XKR6: variants seen among roughly 807,000 people sequenced by gnomAD.
XKR6 encodes the protein XK related 6, also known as XK-related protein 6.
XKR6 carries 22 observed loss-of-function variants against 56.7 expected under a neutral mutation model. The observed-to-expected ratio is 0.39, with a 90% CI of 0.28 to 0.55. The LOEUF (loss-of-function observed/expected upper bound fraction) is 0.55, where lower values mean the gene tolerates loss of function less well. Among genes scored for constraint, XKR6 ranks in the 20% least tolerant of loss-of-function variants. XKR6 has a pLI of 0.66. For missense variants in XKR6, 852 were observed against 889.0 expected (o/e 0.96, Z 0.53); for synonymous variants, 524 against 387.8 (o/e 1.35, Z -4.13).
chr8:11,188,114 G>C (rs1272952197), intron 1 of XKR6, among the ~76,000 whole-genome samples: 1 of 152,014 alleles, frequency 6.6e-6, no homozygotes, highest in Admixed American at 6.6e-5. Context: ...CATTACAGTA[G>C]GTATGAGCCC....
In XKR6 at chr8:10,977,603, C is replaced by G. The variant is rs772834347; in HGVS notation, c.765-52773G>C. On this transcript the variant is annotated intron_variant, in intron 1 of 2. Coordinates refer to ENST00000416569, the MANE Select transcript of XKR6 (RefSeq NM_173683.4). ...GCCAGGACAGCTGAGGCTGGGCACC[C>G]CGACTAATTGCTGTTGCTGTGACCG... 2.0e-5 allele frequency among the ~76,000 whole-genome samples: 3 copies of G among 149,544 alleles called. No homozygotes were observed. In the East Asian group the frequency reaches 5.9e-4, roughly 29 times the overall value.
Position 10,898,718 on chromosome 8 carries a change from C to T in XKR6, c.1160G>A (p.Gly387Glu). 1 of 1,614,000 alleles carries T rather than the reference C, an allele frequency of 6.2e-7. No homozygotes were observed. Among genetic ancestry groups the T allele is most frequent in the South Asian group, 1.1e-5 (1 of 91,058 alleles). The change falls in exon 3 of 3, where the codon GGG becomes GAG. Residue 387 changes from glycine to glutamate, a missense_variant. Gly to Glu is a moderately conservative substitution (Grantham distance 98). This residue lies in a region of XKR6 where 199 missense variants were observed against 280.4 expected (regional missense o/e 0.71). Coordinates refer to ENST00000416569, the MANE Select transcript of XKR6 (RefSeq NM_173683.4). This position sits in a 1 kb window ranked among gnomAD's most constrained non-coding sequence, Gnocchi z 6.6. Reference sequence around the variant, plus strand: ...GCACCAGTGAACCACCACGAAGATCCCAAAATAGAGCTGGAAGATGGAAGC... The same window carrying T: ...GCACCAGTGAACCACCACGAAGATCTCAAAATAGAGCTGGAAGATGGAAGC... The part of the protein sequence containing the change: ...LFASIFQLYF[G>E]IFVVVHWCAM...
In XKR6 at chr8:11,189,887, T is replaced by C. The variant is rs565616512; in HGVS notation, c.764+10689A>G. ...AAACAGCTGCTTTGGACGGGTGCAG[T>C]GGCTCACGCCTGTAATCCCAGCACT... On this transcript the variant is annotated intron_variant, in intron 1 of 2. Coordinates refer to ENST00000416569, the MANE Select transcript of XKR6 (RefSeq NM_173683.4). 6.6e-5 allele frequency among the ~76,000 whole-genome samples: 10 copies of C among 152,354 alleles called. No individual in the cohort carries two copies. In the South Asian group the frequency reaches 1.9e-3, roughly 28 times the overall value.
At chr8:11,086,668 T>C (rs747341721) in intron 1 of XKR6, among the ~76,000 whole-genome samples, 16 of 152,124 alleles carry the variant, frequency 1.1e-4, no homozygotes, top group Non-Finnish European at 1.6e-4. Context: ...AGCTACAAAG[T>C]AAACCCCCAG....
At chr8:11,052,353 CA>C (rs1799572046) in intron 1 of XKR6, among the ~76,000 whole-genome samples, 1 of 152,358 alleles carries the variant, frequency 6.6e-6, no homozygotes, top group South Asian at 2.1e-4. Flanking sequence ...TTTCCCAGAG[CA>C]CTTGTCATCT....
At position 11,198,905 on chromosome 8, in the gene XKR6, C is replaced by G. The variant is rs549049574; in HGVS notation, c.764+1671G>C. Among the ~76,000 whole-genome samples, 7 of 152,090 alleles carry G rather than the reference C, an allele frequency of 4.6e-5. No homozygotes were observed. In the South Asian group the frequency reaches 1.5e-3, roughly 32 times the overall value. On this transcript the variant is annotated intron_variant, in intron 1 of 2. Transcript: ENST00000416569. ...GGCATCTTAACAACCAGAAAACAAC[C>G]CCCAGCCCCCGCCCAAAAAAAAAAA... is the stretch of plus-strand genomic sequence containing the variant.
chr8:11,088,046 A>G (rs1469182226), intron 1 of XKR6, among the ~76,000 whole-genome samples: 2 of 152,214 alleles, frequency 1.3e-5, no homozygotes, highest in African/African-American at 4.8e-5. Flanking sequence ...ATGTAGTAGG[A>G]AGAAAGGGAT....
chr8:11,083,094 G>A (rs1350840867), intron 1 of XKR6, among the ~76,000 whole-genome samples: 3 of 152,128 alleles, frequency 2.0e-5, no homozygotes, highest in African/African-American at 7.2e-5. Flanking sequence ...CTCGGGGGCT[G>A]CTGCAGAACT....
intron 1 of XKR6, among the ~76,000 whole-genome samples, chr8:10,976,341 AC>A (rs1481325513): frequency 2.0e-5 from 3 of 151,974 alleles, no homozygotes; most frequent in African/African-American, 7.3e-5. Context: ...TGGGCATCTG[AC>A]CCCATGTCAT....
intron 1 of XKR6, among the ~76,000 whole-genome samples, chr8:11,098,388 C>G (rs149347007): frequency 6.6e-6 from 1 of 152,260 alleles, no homozygotes; most frequent in African/African-American, 2.4e-5. Flanking sequence ...ACCCAGTGGA[C>G]TCGGTGAACT....
At chr8:10,980,535 G>T (rs375696279) in intron 1 of XKR6, among the ~76,000 whole-genome samples, 46 of 152,298 alleles carry the variant, frequency 3.0e-4, no homozygotes, top group East Asian at 2.3e-3. Flanking sequence ...CACATTCCTA[G>T]CATGTTGTAT....
rs140342437 is a variant in XKR6 at position 10,896,726 on chromosome 8, GTA to G, written c.*1224_*1225del. On this transcript the variant is annotated 3_prime_UTR_variant, in exon 3 of 3. Coordinates refer to ENST00000416569, the MANE Select transcript of XKR6 (RefSeq NM_173683.4). ...TACAATTTTGACTTTTTATATATAT[GTA>G]TATATATATATATATTCTAGTTTTC... 73 of 146,690 alleles carry G rather than the reference GTA, an allele frequency of 5.0e-4. No homozygotes were observed. Among genetic ancestry groups the G allele is most frequent in the East Asian group, 9.9e-4 (5 of 5,056 alleles). 9.1% of individuals were successfully genotyped at this position (146,690 alleles called of 1,614,324 possible). A position where few individuals can be genotyped will look rare whatever the true frequency, so the allele number is the denominator to read the frequency against.
intron 1 of XKR6, among the ~76,000 whole-genome samples, chr8:11,135,343 T>G (rs542142506): frequency 6.6e-6 from 1 of 152,184 alleles, no homozygotes; most frequent in Non-Finnish European, 1.5e-5. Flanking sequence ...AGCCCTAAAT[T>G]TTTTAATTGA....
chr8:11,177,632 G>A (rs1265156610), intron 1 of XKR6, among the ~76,000 whole-genome samples: 1 of 152,212 alleles, frequency 6.6e-6, no homozygotes, highest in Non-Finnish European at 1.5e-5. Context: ...AGGAAAATTT[G>A]GACATACACG....
chr8:11,163,070 T>C (rs1563185626), intron 1 of XKR6, among the ~76,000 whole-genome samples: 1 of 152,210 alleles, frequency 6.6e-6, no homozygotes, highest in African/African-American at 2.4e-5. Context: ...ACAAGGAAAC[T>C]AGAACCATTT....
intron 2 of XKR6, among the ~76,000 whole-genome samples, chr8:10,910,701 T>A (rs1342047103): frequency 6.6e-6 from 1 of 152,040 alleles, no homozygotes. Flanking sequence ...AACACCAGGG[T>A]TTAAAGGGCC....
intron 1 of XKR6, among the ~76,000 whole-genome samples, chr8:11,045,261 A>C (rs1434062854): frequency 6.7e-6 from 1 of 149,510 alleles, no homozygotes; most frequent in African/African-American, 2.5e-5. Context: ...TAATTTTTGT[A>C]TTTTTTGGTG....
chr8:11,073,037 G>A (rs1036575730), intron 1 of XKR6, among the ~76,000 whole-genome samples: 8 of 150,272 alleles, frequency 5.3e-5, no homozygotes, highest in African/African-American at 1.2e-4. Context: ...GCGACAGAGC[G>A]AGACTCCATC....
intron 1 of XKR6, among the ~76,000 whole-genome samples, chr8:11,163,851 T>C (rs912616944): frequency 4.6e-5 from 7 of 152,230 alleles, no homozygotes; most frequent in Middle Eastern, 3.4e-3. Context: ...AAATGAAGGG[T>C]TGGAACTTAA....
Sources: allele counts gnomAD v4.1 joint callset (sites outside exome capture counted in the v4.1 genomes callset), GRCh38; gene constraint gnomAD v4.1.1; regional missense constraint gnomAD v4.1.1; non-coding constraint Gnocchi (gnomAD v3.1); transcripts MANE v1.5; gene names NCBI Gene and HGNC (gene_info 2026-07-23, HGNC 2026-07-21).